ABCA10: variants seen among roughly 807,000 people sequenced by gnomAD.
ABCA10 encodes ATP-binding cassette sub-family A member 10.
In ABCA10, 169 loss-of-function variants were observed where a neutral mutation model predicts 187.5. The observed-to-expected ratio is 0.90, with a 90% CI of 0.80 to 1.02. The LOEUF is 1.02. Among genes scored for constraint, ABCA10 ranks in the 50% least tolerant of loss-of-function variants. The pLI is 0.00. For missense variants in ABCA10, 1,727 were observed against 1,812.4 expected, an observed-to-expected ratio of 0.95 and a Z score of 0.86; for synonymous variants, 574 against 601.8, an observed-to-expected ratio of 0.95 and a Z score of 0.68.
Position 69,173,841 on chromosome 17 carries a change from A to T in ABCA10, c.3162+440T>A, listed in dbSNP as rs1431588319. ...AGTTTCTTATTTATTTTATTCATCT[A>T]TATAGCCCCCTATCATGCTTGTTGT... On this transcript the variant is annotated intron_variant, in intron 25 of 38. Transcript: ENST00000690296. 2.0e-5 allele frequency among the ~76,000 whole-genome samples: 3 copies of T among 152,114 alleles called. No individual in the cohort carries two copies. The East Asian group carries it at 5.8e-4, about 29-fold the overall frequency.
intron 27 of ABCA10, among the ~76,000 whole-genome samples, chr17:69,163,716 A>C (rs2074235584): frequency 6.6e-6 from 1 of 152,180 alleles, no homozygotes; most frequent in African/African-American, 2.4e-5. Context: ...ATTTCATTTA[A>C]TCTTTCTCCT....
chr17:69,203,397 C>T (rs1272094167), intron 9 of ABCA10, among the ~76,000 whole-genome samples: 3 of 152,180 alleles, frequency 2.0e-5, no homozygotes, highest in Non-Finnish European at 4.4e-5. Context: ...TGTTTTGCTA[C>T]TACTGTAGTT....
chr17:69,216,000 T>G lies in ABCA10; in HGVS notation c.673A>C (p.Ile225Leu), dbSNP rs775160042. Residue 225 changes from isoleucine to leucine, a missense_variant and splice_region_variant, in exon 8 of 39, where the codon ATA (isoleucine) becomes CTA (leucine). Physicochemically the swap from Ile to Leu is conservative, Grantham distance 5. Coordinates refer to ENST00000690296, the MANE Select transcript of ABCA10 (RefSeq NM_001377321.1). ...TLYSLYGLSLIALAFLMSVLI... is the reference protein window; with the variant it reads ...TLYSLYGLSLLALAFLMSVLI... The stretch of plus-strand genomic sequence containing the variant: ...ACACTCATGAGGAAAGCCAATGCTA[T>G]CTGAAGGAAGAAAGAGGTCTGATTG... 6.8e-6 allele frequency: 11 copies of G among 1,609,098 alleles called. No individual in the cohort carries two copies. The highest frequency in any genetic ancestry group is 1.6e-4 in the Middle Eastern group (1 of 6,064).
chr17:69,191,015 T>C (rs1181702000), intron 17 of ABCA10, among the ~76,000 whole-genome samples, 161 bp downstream of exon 17: 3 of 152,174 alleles, frequency 2.0e-5, no homozygotes, highest in Non-Finnish European at 4.4e-5. Flanking sequence ...AATACGTCCC[T>C]GGTAACATAG....
chr17:69,171,230 T>C (rs1370193073), intron 25 of ABCA10, among the ~76,000 whole-genome samples: 1 of 152,152 alleles, frequency 6.6e-6, no homozygotes, highest in Non-Finnish European at 1.5e-5. Context: ...TTGTTTTCAA[T>C]GAAATGTTGA....
At chr17:69,213,339 G>T (rs2074674836) in intron 9 of ABCA10, among the ~76,000 whole-genome samples, 1 of 148,226 alleles carries the variant, frequency 6.7e-6, no homozygotes. Flanking sequence ...TGGGGGCAGG[G>T]TTAGGCATGT....
At chr17:69,231,862 C>T (rs1399544641), upstream of ABCA10, among the ~76,000 whole-genome samples, 2 of 152,062 alleles carry the variant, frequency 1.3e-5, no homozygotes, top group Non-Finnish European at 2.9e-5. Context: ...CAGTTCCTTA[C>T]AATTATTTAT....
chr17:69,242,184 A>G (rs1029316559), intron 1 of ABCA10, among the ~76,000 whole-genome samples: 7 of 152,218 alleles, frequency 4.6e-5, no homozygotes, highest in Non-Finnish European at 8.8e-5. Flanking sequence ...CAGAAAACCA[A>G]TATCAACTAC....
intron 1 of ABCA10, among the ~76,000 whole-genome samples, chr17:69,235,440 T>A (rs17776943): frequency 1.3e-5 from 2 of 152,176 alleles, no homozygotes; most frequent in Non-Finnish European, 2.9e-5. Context: ...TACTTTGTTC[T>A]AACCTCTTGA....
Position 69,148,870 on chromosome 17 carries a change from T to C in ABCA10, c.4589A>G (p.Asp1530Gly), listed in dbSNP as rs1568046085. The C allele has an allele frequency of 4.3e-6, 7 of 1,613,574 alleles. No individual in the cohort carries two copies. The highest frequency in any genetic ancestry group is 5.9e-6 in the Non-Finnish European group (7 of 1,179,874). ...GAGAAGTTTCCATTCAACTGTTGTA[T>C]CAATTTTATCATCAACATTTCCCAG... ...QELGNVDDKI[D>G]TTVEWKLLPQ... The change falls in exon 39 of 39, where the codon GAT becomes GGT. Residue 1530 changes from aspartate to glycine, a missense_variant. By Grantham distance (94) the Asp-to-Gly change is moderately conservative (BLOSUM62 -1). Transcript: ENST00000690296.
chr17:69,177,424 G>T (rs1248098488), intron 22 of ABCA10, among the ~76,000 whole-genome samples: 1 of 152,036 alleles, frequency 6.6e-6, no homozygotes, highest in Non-Finnish European at 1.5e-5. Flanking sequence ...ACTGGCATTT[G>T]AATATTAATA....
chr17:69,241,652 T>G (rs919285706), intron 1 of ABCA10, among the ~76,000 whole-genome samples: 6 of 152,212 alleles, frequency 3.9e-5, no homozygotes, highest in Admixed American at 6.5e-5. Context: ...CTTCTCAGTG[T>G]AGTCTTGCCT....
In ABCA10 at chr17:69,215,873, G is replaced by T. The variant is rs2074699625; in HGVS notation, c.800C>A (p.Ser267Tyr). ...AAGAAGACTTAATACCCATCCCAAAGATAAAGGAAGTTGTCTATATAACAC... is the reference window on the plus strand; with the variant it reads ...AAGAAGACTTAATACCCATCCCAAATATAAAGGAAGTTGTCTATATAACAC... Reference protein sequence around the residue: ...FTVLYRQLPLSLGWVLSLLSP... With the variant: ...FTVLYRQLPLYLGWVLSLLSP... The change falls in exon 8 of 39, where the codon TCT becomes TAT. Residue 267 changes from serine to tyrosine, a missense_variant. By Grantham distance (144) the Ser-to-Tyr change is moderately radical. Transcript: ENST00000690296. 6.2e-7 allele frequency: 1 copy of T among 1,613,358 alleles called. No individual in the cohort carries two copies. The highest frequency in any genetic ancestry group is 1.1e-5 in the South Asian group (1 of 90,848).
Position 69,148,657 on chromosome 17 carries a change from TTTCC to T in ABCA10, c.*166_*169del, listed in dbSNP as rs1037531244. The T allele has an allele frequency of 8.5e-5, 52 of 608,282 alleles. No individual in the cohort carries two copies. In the South Asian group the frequency reaches 9.9e-4, roughly 12 times the overall value. The allele number at this position is 608,282 out of a possible 1,614,324, so 37.7% of individuals were successfully genotyped here. A position where few individuals can be genotyped will look rare whatever the true frequency, so the allele number is the denominator to read the frequency against. On this transcript the variant is annotated 3_prime_UTR_variant, in exon 39 of 39. Transcript: ENST00000690296. ...ATTTTGTCTACTACTTTTCCCTATA[TTTCC>T]TTGTTTCCTTCATCCTAAATTTTTA...
Position 69,208,879 on chromosome 17 carries a change from A to C in ABCA10, c.1006+5825T>G, listed in dbSNP as rs191407101. 1.5e-4 allele frequency among the ~76,000 whole-genome samples: 23 copies of C among 152,200 alleles called. No individual in the cohort carries two copies. The East Asian group carries it at 3.7e-3, about 24-fold the overall frequency. On this transcript the variant is annotated intron_variant, in intron 9 of 38. Coordinates refer to ENST00000690296, the MANE Select transcript of ABCA10 (RefSeq NM_001377321.1). Reference sequence around the variant, plus strand: ...TAGCAAGACCCCACCTCTACAAAAAAATTTTTAAAAAAATTAGTCTGGTGT... The same window carrying C: ...TAGCAAGACCCCACCTCTACAAAAACATTTTTAAAAAAATTAGTCTGGTGT...
chr17:69,209,122 G>A (rs186022657), intron 9 of ABCA10, among the ~76,000 whole-genome samples: 2 of 152,310 alleles, frequency 1.3e-5, no homozygotes, highest in Admixed American at 1.3e-4. Flanking sequence ...AGTGCATACA[G>A]AAGTAGACAA....
At chr17:69,241,187 T>A (rs1234534811) in intron 1 of ABCA10, among the ~76,000 whole-genome samples, 1 of 152,168 alleles carries the variant, frequency 6.6e-6, no homozygotes, top group Non-Finnish European at 1.5e-5. Flanking sequence ...ATTCTACTCT[T>A]CCAGAGGCTC....
At chr17:69,194,912 G>C (rs2074486943) in intron 11 of ABCA10, among the ~76,000 whole-genome samples, 1 of 152,208 alleles carries the variant, frequency 6.6e-6, no homozygotes, top group African/African-American at 2.4e-5. Flanking sequence ...GAGAAAAGGG[G>C]AAGAGTTTAT....
intron 6 of ABCA10, among the ~76,000 whole-genome samples, chr17:69,218,559 A>G (rs866698575): frequency 2.0e-5 from 3 of 152,110 alleles, no homozygotes; most frequent in Admixed American, 6.6e-5. Context: ...ATAATTGTAT[A>G]CTATCTCAAA....
Sources: gnomAD v4.1 joint callset for allele counts (sites outside exome capture counted in the v4.1 genomes callset) on GRCh38, gnomAD v4.1.1 for gene constraint, MANE v1.5 for transcripts, NCBI Gene and HGNC (gene_info 2026-07-23, HGNC 2026-07-21) for gene names.